ZMYM4: variants seen among roughly 807,000 people sequenced by gnomAD.
ZMYM4 encodes zinc finger MYM-type protein 4.
ZMYM4 carries 31 observed loss-of-function variants against 183.2 expected under a neutral mutation model. That is an observed-to-expected ratio of 0.17 (90% CI 0.13 to 0.23). The LOEUF is 0.23. Among genes scored for constraint, ZMYM4 ranks in the 10% least tolerant of loss-of-function variants. The pLI, the probability that ZMYM4 is intolerant of heterozygous loss-of-function variation, is 1.00. For missense variants in ZMYM4, 1,273 were observed against 1,840.3 expected, an observed-to-expected ratio of 0.69 and a Z score of 5.64; for synonymous variants, 592 against 631.2, an observed-to-expected ratio of 0.94 and a Z score of 0.93.
At chr1:35,386,432 A>G (rs1386534950) in intron 11 of ZMYM4, among the ~76,000 whole-genome samples, 1 of 152,094 alleles carries the variant, frequency 6.6e-6, no homozygotes, top group East Asian at 1.9e-4. Context: ...AGAGGAAGAG[A>G]GAGAAGCGGG....
chr1:35,361,101 G>A (rs1643926897), intron 3 of ZMYM4, 93 bp from the exon 4 acceptor site: 3 of 1,091,074 alleles, frequency 2.7e-6, no homozygotes, highest in African/African-American at 3.3e-5. Flanking sequence ...GGAAAAGAGA[G>A]GTGATTATCA....
chr1:35,392,217 A>T lies in ZMYM4; in HGVS notation c.2593A>T (p.Ile865Phe), dbSNP rs766454997. 6.2e-7 allele frequency: 1 copy of T among 1,614,162 alleles called. No individual in the cohort carries two copies. Among genetic ancestry groups the T allele is most frequent in the Non-Finnish European group, 8.5e-7 (1 of 1,180,026 alleles). Residue 865 changes from isoleucine to phenylalanine, a missense_variant, in exon 16 of 30, where the codon ATT becomes TTT. Ile to Phe is a conservative substitution (Grantham distance 21). Around this residue, in one of 6 missense-constraint regions of ZMYM4, gnomAD observed 290 missense variants for 353.3 expected, o/e 0.82. Transcript: ENST00000314607. ...TTTTTGTTTATTTTAATCAGCAAAT[A>T]TTTCCATGGTTCAAGCTGCTTCAGC... ...DPPSQNNAAN[I>F]SMVQAASAGP...
intron 9 of ZMYM4, among the ~76,000 whole-genome samples, chr1:35,385,209 A>T (rs972442284): frequency 7.2e-5 from 11 of 152,192 alleles, no homozygotes; most frequent in African/African-American, 2.7e-4. Context: ...TGTTATCATG[A>T]TATTTATTCC....
Position 35,389,004 on chromosome 1 carries a change from A to G in ZMYM4, c.2358A>G (p.Val786=). 5 of 1,614,140 alleles carry G rather than the reference A, an allele frequency of 3.1e-6. No individual in the cohort carries two copies. Among genetic ancestry groups the G allele is most frequent in the Non-Finnish European group, 4.2e-6 (5 of 1,179,974 alleles). The change falls in exon 14 of 30, where the codon GTA becomes GTG. Residue 786 remains valine, a synonymous_variant. Transcript: ENST00000314607. This position sits in a 1 kb window ranked among gnomAD's most constrained non-coding sequence, Gnocchi z 4.0. ...GTTTACAGACATCTCCCAAATTGGTACAGAATAATTTAGGAGGGAAAGTGG... is the reference window on the plus strand; with the variant it reads ...GTTTACAGACATCTCCCAAATTGGTGCAGAATAATTTAGGAGGGAAAGTGG... The part of the protein sequence containing the change: ...SYCLQTSPKL[V]QNNLGGKVEE...
chr1:35,385,656 T>G (rs1644559299), intron 10 of ZMYM4, 64 bp downstream of exon 10: 8 of 1,508,218 alleles, frequency 5.3e-6, no homozygotes, highest in Admixed American at 2.5e-5. Context: ...TGCTTTGTTT[T>G]TAACGGTTTT....
chr1:35,333,326 A>G (rs1212875065), intron 2 of ZMYM4, among the ~76,000 whole-genome samples: 2 of 148,996 alleles, frequency 1.3e-5, no homozygotes, highest in East Asian at 4.0e-4. Flanking sequence ...GGTGCAATCT[A>G]AGCTCACTGT....
At position 35,397,555 on chromosome 1, in the gene ZMYM4, CT is replaced by C. The variant is rs1381584720; in HGVS notation, c.3199+11del. 6.3e-7 allele frequency: 1 copy of C among 1,586,042 alleles called. No individual in the cohort carries two copies. Among genetic ancestry groups the C allele is most frequent in the South Asian group, 1.2e-5 (1 of 84,780 alleles). ...ACTCTATCTCAGGGAGGTTGGTATA[CT>C]CTTTAAAAGTAAAGAAAGAAAAAAC... On this transcript the variant is annotated intron_variant, in intron 20 of 29. Coordinates refer to ENST00000314607, the MANE Select transcript of ZMYM4 (RefSeq NM_005095.3).
chr1:35,281,818 G>T (rs915259680), intron 1 of ZMYM4, among the ~76,000 whole-genome samples: 3 of 152,070 alleles, frequency 2.0e-5, no homozygotes, highest in Admixed American at 1.3e-4. Context: ...ACCCTGCATG[G>T]TCCCTTGCGC....
chr1:35,373,386 T>TG (rs910495245), intron 7 of ZMYM4, among the ~76,000 whole-genome samples: 1 of 149,540 alleles, frequency 6.7e-6, no homozygotes, highest in African/African-American at 2.4e-5. Flanking sequence ...TTTTCTTTTT[T>TG]TTTTTTGAGA....
chr1:35,347,526 T>A (rs1643442531), intron 2 of ZMYM4, among the ~76,000 whole-genome samples: 2 of 152,200 alleles, frequency 1.3e-5, no homozygotes, highest in Non-Finnish European at 2.9e-5. Flanking sequence ...TTCTTTTTTT[T>A]TTCCTGGATT....
At chr1:35,392,473 C>T (rs1220737739) in intron 16 of ZMYM4, 121 bp downstream of exon 16, 5 of 1,363,572 alleles carry the variant, frequency 3.7e-6, no homozygotes, top group Non-Finnish European at 5.0e-6. Flanking sequence ...GGAATAGTGG[C>T]TTGCTGCACA....
At position 35,411,302 on chromosome 1, in the gene ZMYM4, C is replaced by T. The variant is rs12045703; in HGVS notation, c.3949-2670C>T. ...CCGAGTAGCTGGGATTACAGGCGCCCGCCACTATGCCCGGCTAATTTTTTT... is the reference window on the plus strand; with the variant it reads ...CCGAGTAGCTGGGATTACAGGCGCCTGCCACTATGCCCGGCTAATTTTTTT... On this transcript the variant is annotated intron_variant, in intron 26 of 29. Transcript: ENST00000314607. 4.5e-3 allele frequency among the ~76,000 whole-genome samples: 676 copies of T among 151,114 alleles called. 6 individuals carry two copies. Among genetic ancestry groups the T allele is most frequent in the Non-Finnish European group, 6.9e-3 (467 of 67,754 alleles).
intron 2 of ZMYM4, among the ~76,000 whole-genome samples, chr1:35,354,718 C>CT (rs1327689466): frequency 2.4e-5 from 2 of 84,740 alleles, no homozygotes; most frequent in Admixed American, 1.5e-4. Context: ...CAGAGTGAAA[C>CT]TTTGTCTTTA....
At chr1:35,366,335 A>G (rs1484691869) in intron 5 of ZMYM4, among the ~76,000 whole-genome samples, 1 of 152,216 alleles carries the variant, frequency 6.6e-6, no homozygotes, top group Non-Finnish European at 1.5e-5. Context: ...AAGTTGAAGT[A>G]AAATGATGGA....
chr1:35,357,042 C>A (rs556083215), intron 2 of ZMYM4, among the ~76,000 whole-genome samples: 1 of 152,194 alleles, frequency 6.6e-6, no homozygotes, highest in Non-Finnish European at 1.5e-5. Flanking sequence ...TACCACTACA[C>A]CTGGCTGATT....
At chr1:35,308,737 T>A (rs7544416) in intron 1 of ZMYM4, among the ~76,000 whole-genome samples, 116,011 of 151,960 alleles carry the variant, frequency 0.76, 48,772 homozygotes, top group Non-Finnish European at 0.97. Flanking sequence ...GGCGCATGCC[T>A]GTAGTCCCAG....
Position 35,419,773 on chromosome 1 carries a change from T to C in ZMYM4, c.*96T>C. On this transcript the variant is annotated 3_prime_UTR_variant, in exon 30 of 30. Transcript: ENST00000314607. ...AAATGATGTATAAGTCTAAGTCCTCTTGACTTGACCATAAGATCATGGAAA... is the reference window on the plus strand; with the variant it reads ...AAATGATGTATAAGTCTAAGTCCTCCTGACTTGACCATAAGATCATGGAAA... 8.0e-7 allele frequency: 1 copy of C among 1,254,122 alleles called. No homozygotes were observed. The highest frequency in any genetic ancestry group is 1.1e-6 in the Non-Finnish European group (1 of 884,380). The allele number at this position is 1,254,122 out of a possible 1,614,324, so 77.7% of individuals were successfully genotyped here.
At chr1:35,361,892 T>C in intron 5 of ZMYM4, 103 bp downstream of exon 5, 1 of 1,435,106 alleles carries the variant, frequency 7.0e-7, no homozygotes, top group Admixed American at 2.4e-5. Context: ...GTTGACAGGG[T>C]GAAAGGAAAC....
At chr1:35,311,467 A>G (rs935979647) in intron 1 of ZMYM4, among the ~76,000 whole-genome samples, 2 of 151,734 alleles carry the variant, frequency 1.3e-5, no homozygotes, top group African/African-American at 4.8e-5. Context: ...TGTAGTATAT[A>G]ATGTTTTGGG....
Sources: gnomAD v4.1 joint callset for allele counts (sites outside exome capture counted in the v4.1 genomes callset) on GRCh38, gnomAD v4.1.1 for gene constraint, gnomAD v4.1.1 regional missense constraint, Gnocchi (gnomAD v3.1) non-coding constraint, MANE v1.5 for transcripts, NCBI Gene and HGNC (gene_info 2026-07-23, HGNC 2026-07-21) for gene names.